The following TBC1D4 variants were observed in gnomAD, a reference collection of about 807,000 sequenced individuals.
The protein encoded by TBC1D4 is TBC (Tre-2, BUB2, CDC16) domain-containing protein.
Under a neutral mutation model 142.5 loss-of-function variants are expected in TBC1D4, and 121 were observed. The ratio of observed to expected loss-of-function variants is 0.85; its 90% CI spans 0.73 to 0.99. TBC1D4 has a LOEUF of 0.99. TBC1D4 is among the 50% of genes least tolerant of loss of function. TBC1D4 has a pLI of 0.00. For missense variants in TBC1D4, 1,475 were observed against 1,606.6 expected (o/e 0.92, Z 1.40); for synonymous variants, 630 against 628.2 (o/e 1.00, Z -0.04).
chr13:75,287,366 G>C (rs776136575), intron 20 of TBC1D4, among the ~76,000 whole-genome samples: 1 of 152,160 alleles, frequency 6.6e-6, no homozygotes, highest in Admixed American at 6.5e-5. Flanking sequence ...CACTATTGCA[G>C]TGCTAAAAGA....
intron 1 of TBC1D4, among the ~76,000 whole-genome samples, chr13:75,435,716 C>A (rs1886771968): frequency 6.6e-6 from 1 of 152,130 alleles, no homozygotes; most frequent in Non-Finnish European, 1.5e-5. Context: ...CTGGGAGTTT[C>A]TTGAAGAAAT....
At chr13:75,365,949 T>C (rs1882882854) in intron 1 of TBC1D4, among the ~76,000 whole-genome samples, 1 of 152,176 alleles carries the variant, frequency 6.6e-6, no homozygotes, top group African/African-American at 2.4e-5. Flanking sequence ...ACTCAAGAGA[T>C]CTGTCACACC....
At chr13:75,435,261 G>A (rs1317676247) in intron 1 of TBC1D4, among the ~76,000 whole-genome samples, 1 of 150,268 alleles carries the variant, frequency 6.7e-6, no homozygotes, top group African/African-American at 2.5e-5. Flanking sequence ...CCCAGGAATC[G>A]CTTGAACAGG....
chr13:75,414,111 A>G (rs1345660117), intron 1 of TBC1D4, among the ~76,000 whole-genome samples: 1 of 152,212 alleles, frequency 6.6e-6, no homozygotes, highest in Non-Finnish European at 1.5e-5. Context: ...CTACATCCGC[A>G]TTCCCATGGT....
At chr13:75,454,920 C>T (rs917303016) in intron 1 of TBC1D4, among the ~76,000 whole-genome samples, 6 of 152,046 alleles carry the variant, frequency 3.9e-5, no homozygotes, top group African/African-American at 1.4e-4. Flanking sequence ...CTGTCTAATC[C>T]CAAGCTACTA....
chr13:75,482,060 C>T lies in TBC1D4; in HGVS notation c.-293G>A. 1 of 330,972 alleles carries T rather than the reference C, an allele frequency of 3.0e-6. No homozygotes were observed. The highest frequency in any genetic ancestry group is 5.4e-6 in the Non-Finnish European group (1 of 184,944). The allele number at this position is 330,972 out of a possible 1,614,324, so 20.5% of individuals were successfully genotyped here. On this transcript the variant is annotated 5_prime_UTR_variant, in exon 1 of 21. Transcript: ENST00000377636. The stretch of plus-strand genomic sequence containing the variant: ...GGCGCCTCGGGCAGGACCTCCCCTT[C>T]CTCCGTCGCGGGTTTGCAGGGTCAG...
At chr13:75,367,798 A>G (rs945011602) in intron 1 of TBC1D4, among the ~76,000 whole-genome samples, 1 of 152,208 alleles carries the variant, frequency 6.6e-6, no homozygotes, top group Non-Finnish European at 1.5e-5. Context: ...AGTAAAATGC[A>G]GCATTTTGAG....
chr13:75,464,915 C>T (rs1888108391), intron 1 of TBC1D4, among the ~76,000 whole-genome samples: 1 of 152,114 alleles, frequency 6.6e-6, no homozygotes, highest in South Asian at 2.1e-4. Context: ...TAAGTTTCCT[C>T]TTTTTTTTCC....
In TBC1D4 at chr13:75,286,632, C is replaced by G; in HGVS notation, c.*160G>C. 1 of 712,200 alleles carries G rather than the reference C, an allele frequency of 1.4e-6. No homozygotes were observed. The highest frequency in any genetic ancestry group is 2.7e-5 in the East Asian group (1 of 36,970). The allele number at this position is 712,200 out of a possible 1,614,324, so 44.1% of individuals were successfully genotyped here. ...TGTCCAATGGCTTAGGATTGGCATG[C>G]TCTGATGAGCACGAGGTCCACCTGC... On this transcript the variant is annotated 3_prime_UTR_variant, in exon 21 of 21. Coordinates refer to ENST00000377636, the MANE Select transcript of TBC1D4 (RefSeq NM_014832.5).
intron 8 of TBC1D4, among the ~76,000 whole-genome samples, chr13:75,329,693 G>A (rs1325728680): frequency 6.6e-6 from 1 of 152,084 alleles, no homozygotes; most frequent in Non-Finnish European, 1.5e-5. Flanking sequence ...TCTGAGAAAG[G>A]GAGAGTGGGA....
intron 1 of TBC1D4, among the ~76,000 whole-genome samples, chr13:75,406,400 T>C (rs1268912129): frequency 2.0e-5 from 3 of 152,242 alleles, no homozygotes; most frequent in African/African-American, 7.2e-5. Flanking sequence ...ATTAAAGCAT[T>C]GCAGGCCTTT....
At chr13:75,444,780 C>A (rs1177802706) in intron 1 of TBC1D4, among the ~76,000 whole-genome samples, 2 of 152,146 alleles carry the variant, frequency 1.3e-5, no homozygotes. Flanking sequence ...ATTTCAAATT[C>A]TGTGTTGGTG....
chr13:75,356,447 T>C (rs1882056574), intron 3 of TBC1D4, among the ~76,000 whole-genome samples, 196 bp from the exon 4 acceptor site: 1 of 152,170 alleles, frequency 6.6e-6, no homozygotes, highest in Non-Finnish European at 1.5e-5. Flanking sequence ...TGAGACCAAC[T>C]CAGACTGTTT....
At chr13:75,337,585 A>C (rs912523910) in intron 7 of TBC1D4, among the ~76,000 whole-genome samples, 1 of 152,172 alleles carries the variant, frequency 6.6e-6, no homozygotes, top group Non-Finnish European at 1.5e-5. Context: ...TAGGTTCTCT[A>C]TGTATTTTAT....
rs75533040 is a variant in TBC1D4, at chr13:75,339,054, T to C, written c.1612-2014A>G. On this transcript the variant is annotated intron_variant, in intron 7 of 20. Transcript: ENST00000377636. The stretch of plus-strand genomic sequence containing the variant: ...GCTTCAAGACGAATTATTCAAGCTA[T>C]TTATGTACCAATGCTACCTCTAACT... 3.4e-3 allele frequency among the ~76,000 whole-genome samples: 522 copies of C among 152,328 alleles called. 10 individuals are homozygous for C. The highest frequency in any genetic ancestry group is 0.023 in the Admixed American group (346 of 15,306).
intron 1 of TBC1D4, among the ~76,000 whole-genome samples, chr13:75,429,768 G>A (rs1042959595): frequency 5.3e-5 from 8 of 151,950 alleles, no homozygotes; most frequent in African/African-American, 1.7e-4. Flanking sequence ...AAAACTGGAG[G>A]GGAGAAAAAT....
chr13:75,371,485 C>T (rs945408387), intron 1 of TBC1D4, among the ~76,000 whole-genome samples: 11 of 152,200 alleles, frequency 7.2e-5, no homozygotes, highest in African/African-American at 2.2e-4. Context: ...TATAGCATTT[C>T]TCCTCTGCTT....
intron 1 of TBC1D4, among the ~76,000 whole-genome samples, chr13:75,405,141 A>T (rs1885272505): frequency 6.6e-6 from 1 of 152,220 alleles, no homozygotes; most frequent in Admixed American, 6.5e-5. Context: ...TGGAGAGAAG[A>T]CTATGACCTG....
intron 16 of TBC1D4, among the ~76,000 whole-genome samples, chr13:75,299,823 C>CAAAAAAAAAAAA (rs56719877): frequency 1.3e-4 from 14 of 105,934 alleles, no homozygotes; most frequent in East Asian, 3.7e-4. Flanking sequence ...TTCTTTCCAG[C>CAAAAAAAAAAAA]AAAAAAAAAA....
Sources: gnomAD v4.1 joint callset for allele counts (sites outside exome capture counted in the v4.1 genomes callset) on GRCh38, gnomAD v4.1.1 for gene constraint, MANE v1.5 for transcripts, NCBI Gene and HGNC (gene_info 2026-07-23, HGNC 2026-07-21) for gene names.